PCLO: variants seen among roughly 807,000 people sequenced by gnomAD.
The protein encoded by PCLO is protein piccolo.
Under a neutral mutation model 427.5 loss-of-function variants are expected in PCLO, and 82 were observed. The ratio of observed to expected loss-of-function variants is 0.19; its 90% CI spans 0.16 to 0.23. PCLO has a LOEUF of 0.23. Among genes scored for constraint, PCLO ranks in the 10% least tolerant of loss-of-function variants. The probability of loss-of-function intolerance (pLI) is 1.00; values close to 1 mark genes in which losing one functional copy is unlikely to be tolerated. For synonymous variants in PCLO, 2,357 were observed against 2,155.4 expected (o/e 1.09, Z -2.59); for missense variants, 6,239 against 6,115.9 (o/e 1.02, Z -0.67).
intron 6 of PCLO, among the ~76,000 whole-genome samples, chr7:82,937,192 G>C (rs1794975096): frequency 6.6e-6 from 1 of 151,536 alleles, no homozygotes; most frequent in Non-Finnish European, 1.5e-5. Flanking sequence ...CCTTTAAAAG[G>C]TATCATTACT....
chr7:83,071,862 A>G (rs188158258), intron 3 of PCLO, among the ~76,000 whole-genome samples: 6 of 152,280 alleles, frequency 3.9e-5, no homozygotes, highest in African/African-American at 1.2e-4. Context: ...GAACCTCATC[A>G]ATAATTACAT....
Position 82,954,734 on chromosome 7 carries a change from C to A in PCLO, c.6219G>T (p.Gln2073His). 6.2e-7 allele frequency: 1 copy of A among 1,613,842 alleles called. No individual in the cohort carries two copies. Residue 2073 changes from glutamine to histidine, a missense_variant, in exon 5 of 25, where the codon CAG becomes CAT. By Grantham distance (24) the Gln-to-His change is conservative. Coordinates refer to ENST00000333891, the MANE Select transcript of PCLO (RefSeq NM_033026.6). ...GGCTAGATCCAGGTGTTAATTGCAT[C>A]TGTTGCCTCTTCATAAGTTCTTCAT... ...AAYEELMKRQ[Q>H]MQLTPGSSPT... is the part of the protein sequence containing the mutation.
At position 83,077,614 on chromosome 7, in the gene PCLO, T is replaced by C. The variant is rs537596007; in HGVS notation, c.3300+56636A>G. 5.3e-5 allele frequency among the ~76,000 whole-genome samples: 8 copies of C among 152,216 alleles called. No individual in the cohort carries two copies. In the South Asian group the frequency reaches 1.7e-3, roughly 32 times the overall value. On this transcript the variant is annotated intron_variant, in intron 3 of 24. Transcript: ENST00000333891. Reference sequence around the variant, plus strand: ...TTAAGGAATACATGCATTATTTTAGTAATAAAGGCAATCAGGTCTAGATAA... The same window carrying C: ...TTAAGGAATACATGCATTATTTTAGCAATAAAGGCAATCAGGTCTAGATAA...
Position 82,915,568 on chromosome 7 carries a change from C to A in PCLO, c.12418G>T (p.Asp4140Tyr), listed in dbSNP as rs769942376. 9 of 1,613,628 alleles carry A rather than the reference C, an allele frequency of 5.6e-6. No individual in the cohort carries two copies. The highest frequency in any genetic ancestry group is 1.1e-5 in the South Asian group (1 of 91,080). ...TAATGAGAAAGACCAGCAAGGTGAT[C>A]TAAGCTCTCTGTCCCTCTACGAAAT... is the stretch of plus-strand genomic sequence containing the variant. ...QEFRRGTESL[D>Y]HLAGLSHYYH... is the part of the protein sequence containing the mutation. Residue 4140 changes from aspartate to tyrosine, a missense_variant, in exon 7 of 25, where the codon GAT becomes TAT. Coordinates refer to ENST00000333891, the MANE Select transcript of PCLO (RefSeq NM_033026.6).
chr7:83,012,793 C>T (rs41593), intron 3 of PCLO, among the ~76,000 whole-genome samples: 38,124 of 151,908 alleles, frequency 0.25, 5,741 homozygotes, highest in Middle Eastern at 0.45. Context: ...GGCCTGTAGG[C>T]TACCAGATCA....
chr7:82,783,427 A>T (rs975888365), intron 22 of PCLO, among the ~76,000 whole-genome samples: 3 of 152,210 alleles, frequency 2.0e-5, no homozygotes, highest in Non-Finnish European at 2.9e-5. Flanking sequence ...ATCCCGGCTA[A>T]CACGGTGAAG....
intron 22 of PCLO, among the ~76,000 whole-genome samples, chr7:82,781,124 A>T (rs1399934104): frequency 6.6e-6 from 1 of 151,980 alleles, no homozygotes; most frequent in Non-Finnish European, 1.5e-5. Flanking sequence ...TAAATTAATA[A>T]AAAATCAATA....
In PCLO at chr7:83,000,247, A is replaced by C. The variant is rs894567279; in HGVS notation, c.3301-33760T>G. The stretch of plus-strand genomic sequence containing the variant: ...GAAACCATGGAAGCAGGAAAAGAGT[A>C]GAGTAAAATATTCAAAGTGTTGAGA... On this transcript the variant is annotated intron_variant, in intron 3 of 24. Transcript: ENST00000333891. Among the ~76,000 whole-genome samples, 5 of 141,914 alleles carry C rather than the reference A, an allele frequency of 3.5e-5. No individual in the cohort carries two copies. The Admixed American group carries it at 3.8e-4, about 11-fold the overall frequency. 93.1% of individuals were successfully genotyped at this position (141,914 alleles called of 152,430 possible).
intron 3 of PCLO, among the ~76,000 whole-genome samples, chr7:83,011,236 T>G (rs1788069385): frequency 6.6e-6 from 1 of 152,108 alleles, no homozygotes; most frequent in African/African-American, 2.4e-5. Context: ...AAGAAATATC[T>G]TTAACTTATA....
chr7:82,794,621 C>A (rs565059340), intron 22 of PCLO, among the ~76,000 whole-genome samples: 2 of 150,970 alleles, frequency 1.3e-5, no homozygotes, highest in African/African-American at 4.9e-5. Context: ...CACAGGCATG[C>A]GCTACCATGC....
Position 82,978,856 on chromosome 7 carries a change from AAAC to A in PCLO, c.3301-12372_3301-12370del, listed in dbSNP as rs1562896070. Among the ~76,000 whole-genome samples, 361 of 93,528 alleles carry A rather than the reference AAAC, an allele frequency of 3.9e-3. 2 individuals carry two copies. The highest frequency in any genetic ancestry group is 0.013 in the African/African-American group (332 of 25,002). The allele number at this position is 93,528 out of a possible 152,430, so 61.4% of individuals were successfully genotyped here. Reference sequence around the variant, plus strand: ...AAGAAACACACACACACACACACACAAACACACACACACACACACACACACACA... The same window carrying A: ...AAGAAACACACACACACACACACACAACACACACACACACACACACACACA... On this transcript the variant is annotated intron_variant, in intron 3 of 24. Transcript: ENST00000333891.
intron 9 of PCLO, among the ~76,000 whole-genome samples, chr7:82,886,904 G>A (rs1793640627): frequency 6.6e-6 from 1 of 152,082 alleles, no homozygotes; most frequent in Admixed American, 6.6e-5. Context: ...AGGATGTATT[G>A]ATCTTTTGTC....
At chr7:82,893,119 C>A (rs960181988) in intron 9 of PCLO, among the ~76,000 whole-genome samples, 1 of 152,074 alleles carries the variant, frequency 6.6e-6, no homozygotes, top group African/African-American at 2.4e-5. Flanking sequence ...AAGACACATG[C>A]ACACGTATGG....
In PCLO at chr7:82,845,416, T is replaced by A. The variant is rs1792474248; in HGVS notation, c.13901A>T (p.Gln4634Leu). 1 of 1,613,316 alleles carries A rather than the reference T, an allele frequency of 6.2e-7. No individual in the cohort carries two copies. Among genetic ancestry groups the A allele is most frequent in the East Asian group, 2.2e-5 (1 of 44,766 alleles). ...TGATGACAGAACCAGCGGTGACTGC[T>A]GTAGTGAAACCTTCTGGAGTTCTGC... ...LAAELQKVSL[Q>L]QSPLVLSSVV... Residue 4634 changes from glutamine (Q) to leucine (L), a missense_variant, in exon 13 of 25, where the codon CAG becomes CTG. This residue lies in a region of PCLO where 877 missense variants were observed against 925.5 expected (regional missense o/e 0.95). Transcript: ENST00000333891.
At chr7:82,940,828 T>A (rs1795067110) in intron 6 of PCLO, among the ~76,000 whole-genome samples, 1 of 146,604 alleles carries the variant, frequency 6.8e-6, no homozygotes, top group Non-Finnish European at 1.5e-5. Flanking sequence ...AGTGGTGAGA[T>A]CTCGGCTCAC....
At chr7:82,981,883 T>C (rs1355478321) in intron 3 of PCLO, among the ~76,000 whole-genome samples, 1 of 152,154 alleles carries the variant, frequency 6.6e-6, no homozygotes, top group Non-Finnish European at 1.5e-5. Flanking sequence ...TCATTTTTTT[T>C]CCTAATAGAA....
intron 9 of PCLO, 138 bp downstream of exon 9, chr7:82,902,513 A>G: frequency 1.8e-6 from 1 of 563,184 alleles, no homozygotes; most frequent in South Asian, 2.0e-5. Context: ...CCAGCATGGC[A>G]CATGTATACA....
chr7:82,828,241 G>C (rs1791998426), intron 16 of PCLO, among the ~76,000 whole-genome samples: 1 of 151,820 alleles, frequency 6.6e-6, no homozygotes, highest in South Asian at 2.1e-4. Context: ...CAGAAATCTT[G>C]CTCATTCCTG....
At chr7:82,988,187 CTT>C in intron 3 of PCLO, among the ~76,000 whole-genome samples, 1 of 152,038 alleles carries the variant, frequency 6.6e-6, no homozygotes, top group East Asian at 1.9e-4. Flanking sequence ...GCTAATTTTT[CTT>C]TCTTTTTTAA....
Sources: allele counts gnomAD v4.1 joint callset (sites outside exome capture counted in the v4.1 genomes callset), GRCh38; gene constraint gnomAD v4.1.1; regional missense constraint gnomAD v4.1.1; transcripts MANE v1.5; gene names NCBI Gene and HGNC (gene_info 2026-07-23, HGNC 2026-07-21).